Variants in CUX1 observed in about 807,000 individuals in gnomAD.
The protein encoded by CUX1 is cut like homeobox 1, also known as protein CASP.
CUX1 carries 31 observed loss-of-function variants against 158.8 expected under a neutral mutation model. The observed-to-expected ratio is 0.20, with a 90% CI of 0.15 to 0.26. The LOEUF (loss-of-function observed/expected upper bound fraction) is 0.26. CUX1 is among the 10% of genes least tolerant of loss of function. The probability of loss-of-function intolerance (pLI) is 1.00; values close to 1 mark genes in which losing one functional copy is unlikely to be tolerated. For synonymous variants in CUX1, 879 were observed against 862.1 expected, an observed-to-expected ratio of 1.02 and a Z score of -0.34; for missense variants, 1,589 against 2,014.6, an observed-to-expected ratio of 0.79 and a Z score of 4.04.
chr7:102,074,523 G>A (rs1826485737), intron 4 of CUX1, among the ~76,000 whole-genome samples: 1 of 152,190 alleles, frequency 6.6e-6, no homozygotes, highest in Admixed American at 6.5e-5. Flanking sequence ...GCTCCATGAG[G>A]ATAGGGCTTT....
chr7:101,836,964 C>A (rs963945349), intron 1 of CUX1, among the ~76,000 whole-genome samples: 9 of 152,198 alleles, frequency 5.9e-5, no homozygotes, highest in African/African-American at 2.2e-4. Context: ...GTGCCCCGTC[C>A]CCATTTTTCT....
chr7:101,943,078 C>CTTTTTTTTTTTTTTTTTTTTTTTTTTTTT (rs58332486), intron 2 of CUX1, among the ~76,000 whole-genome samples: 1 of 80,332 alleles, frequency 1.2e-5, no homozygotes, highest in Non-Finnish European at 2.3e-5. Flanking sequence ...CTGGTCAGTG[C>CTTTTTTTTTTTTTTTTTTTTTTTTTTTTT]TTTTTTTTTT....
intron 1 of CUX1, among the ~76,000 whole-genome samples, chr7:101,889,391 G>A (rs1434187451): frequency 2.0e-5 from 3 of 152,098 alleles, no homozygotes; most frequent in African/African-American, 7.2e-5. Context: ...TGGCCTTTGA[G>A]GCTGGAAAAC....
At chr7:102,049,258 G>A (rs530717460) in intron 3 of CUX1, among the ~76,000 whole-genome samples, 1 of 152,366 alleles carries the variant, frequency 6.6e-6, no homozygotes, top group Admixed American at 6.5e-5. Context: ...GATGAAGGAG[G>A]CTGAGAAGAG....
intron 2 of CUX1, among the ~76,000 whole-genome samples, chr7:101,957,137 A>G (rs1159994709): frequency 6.6e-6 from 1 of 152,240 alleles, no homozygotes; most frequent in Non-Finnish European, 1.5e-5. Context: ...ATATTTACTA[A>G]CACAGAAAAG....
intron 2 of CUX1, among the ~76,000 whole-genome samples, chr7:101,927,018 G>C (rs1805668608): frequency 1.3e-5 from 2 of 152,224 alleles, no homozygotes; most frequent in South Asian, 4.1e-4. Flanking sequence ...AATTTCAGGT[G>C]GCGGTAAGAG....
chr7:102,237,931 C>G (rs910662086), intron 22 of CUX1, among the ~76,000 whole-genome samples: 2 of 152,250 alleles, frequency 1.3e-5, no homozygotes, highest in South Asian at 2.1e-4. Context: ...GCCTGGCAGC[C>G]GAGGCAGAGA....
chr7:102,078,184 C>G (rs1826986128), intron 4 of CUX1, among the ~76,000 whole-genome samples: 1 of 152,242 alleles, frequency 6.6e-6, no homozygotes, highest in Middle Eastern at 3.4e-3. Context: ...CAAGTGATCC[C>G]CCTGCCTCAG....
chr7:102,253,001 C>T lies in CUX1; in HGVS notation c.*3959C>T, dbSNP rs1801678511. ...CAGGATCGTGGCTCACAGGGACCCA[C>T]CATCAAAACCTGCTACTTTGTGCAA... On this transcript the variant is annotated 3_prime_UTR_variant, in exon 24 of 24. Transcript: ENST00000292535. 1.0e-6 allele frequency: 1 copy of T among 985,306 alleles called. No individual in the cohort carries two copies. Among genetic ancestry groups the T allele is most frequent in the Admixed American group, 6.1e-5 (1 of 16,268 alleles). The allele number at this position is 985,306 out of a possible 1,614,324, so 61.0% of individuals were successfully genotyped here. A position where few individuals can be genotyped will look rare whatever the true frequency, so the allele number is the denominator to read the frequency against.
rs917985604 is a variant in CUX1, at chr7:102,202,064, A to C, written c.2767A>C (p.Thr923Pro). Residue 923 changes from threonine to proline, a missense_variant, in exon 18 of 24, where the codon ACC becomes CCC. Thr to Pro is a conservative substitution (Grantham distance 38). Coordinates refer to ENST00000292535, the MANE Select transcript of CUX1 (RefSeq NM_181552.4). ...CCCGATCGTGCCCATGTCCAAGCCC[A>C]CCAAGCCCTCGGTCCCCCCGCTGAC... Reference protein sequence around the residue: ...SSPIVPMSKPTKPSVPPLTPE... With the variant: ...SSPIVPMSKPPKPSVPPLTPE... The C allele has an allele frequency of 1.9e-6, 3 of 1,613,938 alleles. No homozygotes were observed. The highest frequency in any genetic ancestry group is 1.6e-4 in the Middle Eastern group (1 of 6,084).
chr7:102,220,147 G>A (rs1554526391), intron 20 of CUX1, among the ~76,000 whole-genome samples: 1 of 152,182 alleles, frequency 6.6e-6, no homozygotes, highest in Non-Finnish European at 1.5e-5. Flanking sequence ...GATCACTTGA[G>A]GTCAGGAGTT....
chr7:102,099,309 C>T (rs1319850252), intron 5 of CUX1, among the ~76,000 whole-genome samples: 5 of 151,940 alleles, frequency 3.3e-5, no homozygotes, highest in African/African-American at 1.2e-4. Context: ...TGCTAGAGAG[C>T]GAGGCATTGG....
intron 1 of CUX1, among the ~76,000 whole-genome samples, chr7:101,854,191 T>TG (rs1249826418): frequency 6.6e-6 from 1 of 152,168 alleles, no homozygotes; most frequent in Admixed American, 6.5e-5. Context: ...AATGTGTGCA[T>TG]GGGGCAAGGC....
intron 8 of CUX1, among the ~76,000 whole-genome samples, chr7:102,144,472 CAT>C (rs1834815148): frequency 6.6e-6 from 1 of 152,090 alleles, no homozygotes; most frequent in African/African-American, 2.4e-5. Flanking sequence ...TTTTAACACA[CAT>C]ATCCTCACAA....
intron 1 of CUX1, among the ~76,000 whole-genome samples, chr7:101,850,982 C>G (rs1426290067): frequency 6.6e-6 from 1 of 151,990 alleles, no homozygotes. Context: ...GTGGTGTGCA[C>G]CTGTAAGTCC....
chr7:101,914,768 G>A (rs981302509), intron 1 of CUX1, among the ~76,000 whole-genome samples: 1 of 152,016 alleles, frequency 6.6e-6, no homozygotes, highest in Non-Finnish European at 1.5e-5. Flanking sequence ...CAAAGTGCTG[G>A]GATTACAGGC....
chr7:101,844,841 C>T (rs1795523152), intron 1 of CUX1, among the ~76,000 whole-genome samples: 1 of 152,072 alleles, frequency 6.6e-6, no homozygotes, highest in African/African-American at 2.4e-5. Context: ...GTCTCGAACT[C>T]CTGACCTCAA....
chr7:102,227,238 C>A, intron 20 of CUX1, 129 bp from the exon 21 acceptor site: 1 of 784,134 alleles, frequency 1.3e-6, no homozygotes, highest in Non-Finnish European at 2.1e-6. Flanking sequence ...TCACTAAGAC[C>A]CACAGAAAAC....
intron 2 of CUX1, among the ~76,000 whole-genome samples, chr7:101,951,760 G>GCCTCCC (rs1370308691): frequency 1.3e-5 from 2 of 152,200 alleles, no homozygotes; most frequent in African/African-American, 2.4e-5. Context: ...GCCCGCATCG[G>GCCTCCC]CCTCCCGAAG....
Sources: gnomAD v4.1 joint callset for allele counts (sites outside exome capture counted in the v4.1 genomes callset) on GRCh38, gnomAD v4.1.1 for gene constraint, MANE v1.5 for transcripts, NCBI Gene and HGNC (gene_info 2026-07-23, HGNC 2026-07-21) for gene names.